Variants in FSTL4 observed in about 807,000 individuals in gnomAD.
The protein encoded by FSTL4 is follistatin-related protein 4.
Under a neutral mutation model 78.2 loss-of-function variants are expected in FSTL4, and 28 were observed. That is an observed-to-expected ratio of 0.36 (90% CI 0.27 to 0.49). The LOEUF (loss-of-function observed/expected upper bound fraction) is 0.49, where lower values mean the gene tolerates loss of function less well. Ranked by LOEUF, FSTL4 falls within the 20% of genes least tolerant of loss-of-function variation. The probability of loss-of-function intolerance (pLI) is 0.98; values close to 1 mark genes in which losing one functional copy is unlikely to be tolerated. For synonymous variants in FSTL4, 422 were observed against 440.5 expected, an observed-to-expected ratio of 0.96 and a Z score of 0.53; for missense variants, 922 against 1,084.9, an observed-to-expected ratio of 0.85 and a Z score of 2.11.
the FSTL4 span, among the ~76,000 whole-genome samples, chr5:133,657,227 C>T: frequency 6.6e-6 from 1 of 152,198 alleles, no homozygotes; most frequent in Non-Finnish European, 1.5e-5. Flanking sequence ...CCGCTAGACA[C>T]ACAGGGCAGT....
chr5:133,384,269 A>G (rs1580666617), intron 4 of FSTL4, among the ~76,000 whole-genome samples: 2 of 152,130 alleles, frequency 1.3e-5, no homozygotes, highest in Non-Finnish European at 2.9e-5. Context: ...GGAGAATCAC[A>G]CTCTGACTTC....
intron 5 of FSTL4, among the ~76,000 whole-genome samples, chr5:133,315,725 T>C (rs1431769449): frequency 6.6e-6 from 1 of 152,116 alleles, no homozygotes; most frequent in Non-Finnish European, 1.5e-5. Flanking sequence ...AACAAACCAG[T>C]AAGCAGAAGT....
At chr5:133,704,739 T>C in the FSTL4 span, among the ~76,000 whole-genome samples, 1 of 152,234 alleles carries the variant, frequency 6.6e-6, no homozygotes, top group Non-Finnish European at 1.5e-5. Flanking sequence ...ACCCAATGCC[T>C]GTCATCACTA....
At chr5:133,446,661 G>A (rs1757271339) in intron 3 of FSTL4, among the ~76,000 whole-genome samples, 2 of 152,322 alleles carry the variant, frequency 1.3e-5, no homozygotes, top group South Asian at 4.1e-4. Context: ...TCAGGAGCCG[G>A]TCCTCTTTCA....
At chr5:133,769,093 T>C in the FSTL4 span, among the ~76,000 whole-genome samples, 1 of 152,254 alleles carries the variant, frequency 6.6e-6, no homozygotes, top group African/African-American at 2.4e-5. Flanking sequence ...GGCGATGTTT[T>C]CTAATTCCGG....
the FSTL4 span, among the ~76,000 whole-genome samples, chr5:133,675,167 T>G: frequency 4.0e-5 from 6 of 151,662 alleles, no homozygotes; most frequent in Non-Finnish European, 7.4e-5. Context: ...ACCTGAGTGA[T>G]AAGAAGGCTC....
the FSTL4 span, among the ~76,000 whole-genome samples, chr5:133,723,347 C>T: frequency 5.3e-5 from 8 of 152,264 alleles, no homozygotes; most frequent in South Asian, 1.2e-3. Flanking sequence ...CCTTGGAGAG[C>T]AGAACATAGC....
the FSTL4 span, among the ~76,000 whole-genome samples, chr5:133,766,902 G>A: frequency 5.6e-3 from 859 of 152,334 alleles, 10 homozygotes; most frequent in African/African-American, 0.019. Context: ...CCTTTCAGGT[G>A]AGCCTAAACA....
At chr5:133,556,244 G>A (rs1037843382) in intron 3 of FSTL4, among the ~76,000 whole-genome samples, 4 of 152,158 alleles carry the variant, frequency 2.6e-5, no homozygotes, top group African/African-American at 9.7e-5. Context: ...GAGTACAAAA[G>A]GTCCTCATTT....
intron 4 of FSTL4, among the ~76,000 whole-genome samples, chr5:133,377,400 A>G (rs1235580092): frequency 6.6e-6 from 1 of 152,250 alleles, no homozygotes; most frequent in Admixed American, 6.5e-5. Context: ...CAAACTCTGG[A>G]GCAGTGGCTT....
At chr5:133,227,255 G>A (rs1191554659) in intron 8 of FSTL4, among the ~76,000 whole-genome samples, 1 of 152,180 alleles carries the variant, frequency 6.6e-6, no homozygotes, top group Non-Finnish European at 1.5e-5. Context: ...GAATGCCAGG[G>A]AGTGGCAGAA....
In FSTL4 at chr5:133,562,424, G is replaced by A. The variant is rs570556771; in HGVS notation, c.160+4762C>T. On this transcript the variant is annotated intron_variant, in intron 3 of 15. Transcript: ENST00000265342. ...TGGAGGCAGCTGCCAATTAGGGACC[G>A]ATTCCACGGGTTTTCAGAAAGTGAG... Among the ~76,000 whole-genome samples, 13 of 152,320 alleles carry A rather than the reference G, an allele frequency of 8.5e-5. No individual in the cohort carries two copies. In the South Asian group the frequency reaches 1.2e-3, roughly 15 times the overall value.
At chr5:133,539,120 G>A (rs1261838159) in intron 3 of FSTL4, among the ~76,000 whole-genome samples, 1 of 152,130 alleles carries the variant, frequency 6.6e-6, no homozygotes, top group Non-Finnish European at 1.5e-5. Context: ...ATCTGCCACA[G>A]TTACAACCTG....
At chr5:133,751,438 G>A in the FSTL4 span, among the ~76,000 whole-genome samples, 1 of 152,210 alleles carries the variant, frequency 6.6e-6, no homozygotes, top group African/African-American at 2.4e-5. Flanking sequence ...AGTAAGAACT[G>A]TTTCTTTTTG....
chr5:133,580,155 A>G (rs1760369982), intron 2 of FSTL4, among the ~76,000 whole-genome samples: 1 of 152,122 alleles, frequency 6.6e-6, no homozygotes, highest in South Asian at 2.1e-4. Flanking sequence ...CCTGCTAGCT[A>G]GTGTTCCCTC....
intron 3 of FSTL4, among the ~76,000 whole-genome samples, chr5:133,517,482 CACACA>C (rs1758887404): frequency 1.1e-5 from 1 of 90,842 alleles, no homozygotes; most frequent in African/African-American, 4.4e-5. Context: ...ACACACACCA[CACACA>C]CACACACACA....
At chr5:133,598,872 A>G (rs1203250559) in intron 2 of FSTL4, among the ~76,000 whole-genome samples, 1 of 152,222 alleles carries the variant, frequency 6.6e-6, no homozygotes, top group African/African-American at 2.4e-5. Flanking sequence ...ATGCACACGT[A>G]CTGTAGGTGA....
At position 133,312,780 on chromosome 5, in the gene FSTL4, G is replaced by A. The variant is rs115391487; in HGVS notation, c.604-3C>T. 0.014 allele frequency: 22,548 copies of A among 1,613,936 alleles called. 183 individuals carry two copies. The highest frequency in any genetic ancestry group is 0.016 in the Non-Finnish European group (18,865 of 1,179,776). On this transcript the variant is annotated splice_polypyrimidine_tract_variant and splice_region_variant and intron_variant, in intron 5 of 15. Coordinates refer to ENST00000265342, the MANE Select transcript of FSTL4 (RefSeq NM_015082.2). Reference sequence around the variant, plus strand: ...AGGTCCTGCTTCTTCAGCACATGCTGTGGGGTGAGGAGGAGAACAAGGCCA... The same window carrying A: ...AGGTCCTGCTTCTTCAGCACATGCTATGGGGTGAGGAGGAGAACAAGGCCA...
At chr5:133,752,800 C>A in the FSTL4 span, among the ~76,000 whole-genome samples, 1 of 152,090 alleles carries the variant, frequency 6.6e-6, no homozygotes, top group Non-Finnish European at 1.5e-5. Flanking sequence ...CCAGCACAGA[C>A]ACCCCAGAAT....
Sources: allele counts gnomAD v4.1 joint callset (sites outside exome capture counted in the v4.1 genomes callset), GRCh38; gene constraint gnomAD v4.1.1; transcripts MANE v1.5; gene names NCBI Gene and HGNC (gene_info 2026-07-23, HGNC 2026-07-21).